MMRN2: variants seen among roughly 807,000 people sequenced by gnomAD.
The protein encoded by MMRN2 is multimerin-2.
Under a neutral mutation model 68.8 loss-of-function variants are expected in MMRN2, and 53 were observed. That is an observed-to-expected ratio of 0.77 (90% CI 0.62 to 0.97). The LOEUF (loss-of-function observed/expected upper bound fraction) is 0.97. Among genes scored for constraint, MMRN2 ranks in the 50% least tolerant of loss-of-function variants. The pLI, the probability that MMRN2 is intolerant of heterozygous loss-of-function variation, is 0.00. For synonymous variants in MMRN2, 564 were observed against 551.6 expected (o/e 1.02, Z -0.32); for missense variants, 1,266 against 1,259.5 (o/e 1.01, Z -0.08).
chr10:86,951,326 C>T (rs1844140830), intron 1 of MMRN2, among the ~76,000 whole-genome samples: 2 of 152,144 alleles, frequency 1.3e-5, no homozygotes, highest in Non-Finnish European at 2.9e-5. Context: ...TGACACAAGG[C>T]CAGCTACATA....
At chr10:86,945,062 C>A (rs1417152562) in intron 4 of MMRN2, 126 bp downstream of exon 4, 8 of 799,184 alleles carry the variant, frequency 1.0e-5, no homozygotes, top group Non-Finnish European at 1.6e-5. Context: ...GGCCACAGAG[C>A]AGGCCTTGCT....
intron 6 of MMRN2, among the ~76,000 whole-genome samples, chr10:86,939,669 A>AC (rs139691921): frequency 0.093 from 13,861 of 149,714 alleles, 779 homozygotes; most frequent in African/African-American, 0.16. Context: ...GCAGAGAGAG[A>AC]CCCCCACCCC....
intron 1 of MMRN2, among the ~76,000 whole-genome samples, chr10:86,947,253 G>A (rs1409932934): frequency 2.0e-5 from 3 of 152,202 alleles, no homozygotes; most frequent in African/African-American, 7.2e-5. Flanking sequence ...AGGCCTTGGT[G>A]ATGAAGTGGC....
chr10:86,956,439 C>T (rs1187609856), intron 1 of MMRN2, among the ~76,000 whole-genome samples: 2 of 152,212 alleles, frequency 1.3e-5, no homozygotes, highest in East Asian at 3.9e-4. Flanking sequence ...AGTTGGCCCC[C>T]CCCTCACTCC....
chr10:86,940,919 ACATGC>A (rs1446920756), intron 6 of MMRN2, among the ~76,000 whole-genome samples: 5 of 152,254 alleles, frequency 3.3e-5, no homozygotes, highest in Non-Finnish European at 7.3e-5. Flanking sequence ...GCTTGGTTGC[ACATGC>A]CTTCAGCCTC....
chr10:86,945,549 T>A lies in MMRN2; in HGVS notation c.293+12A>T. The A allele has an allele frequency of 6.3e-7, 1 of 1,579,918 alleles. No homozygotes were observed. Among genetic ancestry groups the A allele is most frequent in the Non-Finnish European group, 8.6e-7 (1 of 1,162,122 alleles). On this transcript the variant is annotated intron_variant, in intron 2 of 6. Transcript: ENST00000372027. ...CCAGGCCTGGGCAAATGGCCCACCC[T>A]CCCCTACTCACATGACTTTGACTTT... is the stretch of plus-strand genomic sequence containing the variant.
In MMRN2 at chr10:86,937,056, G is replaced by C; in HGVS notation, c.2537C>G (p.Thr846Ser). The change falls in exon 7 of 7, where the codon ACC becomes AGC. Residue 846 changes from threonine to serine, a missense_variant. Transcript: ENST00000372027. ...TAALQTVKFN[T>S]TYINIGSSYF... ...GCTGCTGCCAATGTTGATGTATGTGGTGTTGAACTTCACTGTCTGCAGGGC... is the reference window on the plus strand; with the variant it reads ...GCTGCTGCCAATGTTGATGTATGTGCTGTTGAACTTCACTGTCTGCAGGGC... 1 of 1,614,204 alleles carries C rather than the reference G, an allele frequency of 6.2e-7. No individual in the cohort carries two copies. The highest frequency in any genetic ancestry group is 8.5e-7 in the Non-Finnish European group (1 of 1,180,042).
chr10:86,953,154 T>C (rs1844167305), intron 1 of MMRN2, among the ~76,000 whole-genome samples: 1 of 152,206 alleles, frequency 6.6e-6, no homozygotes, highest in Non-Finnish European at 1.5e-5. Flanking sequence ...ACTGATATCA[T>C]ATTATTAAAA....
At chr10:86,939,461 C>CAAAAAAA (rs34692290) in intron 6 of MMRN2, among the ~76,000 whole-genome samples, 3 of 74,576 alleles carry the variant, frequency 4.0e-5, no homozygotes, top group African/African-American at 5.7e-5. Context: ...GACTCCGTCT[C>CAAAAAAA]AAAAAAAAAA....
intron 1 of MMRN2, among the ~76,000 whole-genome samples, chr10:86,946,580 C>T (rs1175171217): frequency 6.6e-6 from 1 of 152,208 alleles, no homozygotes; most frequent in Non-Finnish European, 1.5e-5. Flanking sequence ...GTGGTGGTCC[C>T]AGGAGCGGGG....
rs1000710933 is a variant in MMRN2, at chr10:86,935,681, A to G, written c.*1062T>C. 1.3e-5 allele frequency: 2 copies of G among 152,200 alleles called. No homozygotes were observed. Among genetic ancestry groups the G allele is most frequent in the Non-Finnish European group, 2.9e-5 (2 of 68,044 alleles). 9.4% of individuals were successfully genotyped at this position (152,200 alleles called of 1,614,324 possible). A position where few individuals can be genotyped will look rare whatever the true frequency, so the allele number is the denominator to read the frequency against. ...GTCCTAAGATACTGGAGGAAGTAAA[A>G]AAGTTGAAGGCCCTACATATTTTAG... On this transcript the variant is annotated 3_prime_UTR_variant, in exon 7 of 7. Coordinates refer to ENST00000372027, the MANE Select transcript of MMRN2 (RefSeq NM_024756.3).
At chr10:86,949,432 T>G (rs139021256) in intron 1 of MMRN2, 67 of 151,942 alleles carry the variant, frequency 4.4e-4, no homozygotes, top group African/African-American at 1.3e-3. Flanking sequence ...TGTGGTGGCT[T>G]GCACCTGTAA....
At chr10:86,939,709 G>C (rs1211490905) in intron 6 of MMRN2, among the ~76,000 whole-genome samples, 1 of 151,814 alleles carries the variant, frequency 6.6e-6, no homozygotes, top group African/African-American at 2.4e-5. Context: ...CAGGCCCTAA[G>C]ATGCGGGAAG....
At chr10:86,941,959 T>G (rs1589300668) in intron 6 of MMRN2, among the ~76,000 whole-genome samples, 3 of 144,382 alleles carry the variant, frequency 2.1e-5, no homozygotes, top group African/African-American at 2.6e-5. Context: ...ATGAAGGGGG[T>G]GAGGTGAAGA....
intron 4 of MMRN2, 34 bp from the exon 5 acceptor site, chr10:86,944,469 A>G (rs762964282): frequency 9.3e-6 from 15 of 1,609,564 alleles, no homozygotes; most frequent in Non-Finnish European, 1.2e-5. Context: ...GTCAAGGGCT[A>G]ACTCACCAGG....
At chr10:86,944,686 G>A (rs1844040818) in intron 4 of MMRN2, 4 of 506,604 alleles carry the variant, frequency 7.9e-6, no homozygotes, top group Admixed American at 3.8e-5. Flanking sequence ...ACATGCACAT[G>A]GCCTCACAAC....
chr10:86,943,791 G>T lies in MMRN2; in HGVS notation c.993C>A (p.Ala331=), dbSNP rs200423909. 2.5e-6 allele frequency: 4 copies of T among 1,609,456 alleles called. No individual in the cohort carries two copies. Among genetic ancestry groups the T allele is most frequent in the Non-Finnish European group, 8.5e-7 (1 of 1,179,940 alleles). The change falls in exon 6 of 7, where the codon GCC becomes GCA. Residue 331 remains alanine (A), a synonymous_variant. Transcript: ENST00000372027. The surrounding 1 kb of genome is among the most constrained non-coding windows in gnomAD (Gnocchi z 4.2). ...TLHRSISELQ[A]DVDTKLKRLH... ...GCCTCTTCAATTTGGTGTCCACATC[G>T]GCTTGGAGCTCTGAGATCGAGCGGT...
Position 86,944,028 on chromosome 10 carries a change from C to T in MMRN2, c.756G>A (p.Leu252=). Residue 252 remains leucine, a synonymous_variant, in exon 6 of 7, where the codon CTG becomes CTA. Transcript: ENST00000372027. ...SPIWRSFNQS[L]HSLTQAIRNL... ...TTCTTATGGCCTGGGTAAGGCTGTG[C>T]AGGCTTTGGTTAAAGCTCCTCCAGA... The T allele has an allele frequency of 6.2e-7, 1 of 1,614,132 alleles. No individual in the cohort carries two copies. Among genetic ancestry groups the T allele is most frequent in the Non-Finnish European group, 8.5e-7 (1 of 1,180,034 alleles).
intron 1 of MMRN2, among the ~76,000 whole-genome samples, chr10:86,950,171 C>A (rs780869991): frequency 2.6e-5 from 4 of 151,918 alleles, no homozygotes; most frequent in African/African-American, 9.7e-5. Context: ...ATAGTGACAC[C>A]CTGTCTCTAC....
Sources: gnomAD v4.1 joint callset for allele counts (sites outside exome capture counted in the v4.1 genomes callset) on GRCh38, gnomAD v4.1.1 for gene constraint, Gnocchi (gnomAD v3.1) non-coding constraint, MANE v1.5 for transcripts, NCBI Gene and HGNC (gene_info 2026-07-23, HGNC 2026-07-21) for gene names.